PARP10: variants seen among roughly 807,000 people sequenced by gnomAD.
PARP10 encodes the protein poly(ADP-ribose) polymerase family member 10, also known as protein mono-ADP-ribosyltransferase PARP10.
A neutral mutation model predicts 82.4 loss-of-function variants in PARP10; 56 were observed. That is an observed-to-expected ratio of 0.68 (90% CI 0.55 to 0.85). The LOEUF (loss-of-function observed/expected upper bound fraction) is 0.85. Ranked by LOEUF, PARP10 falls within the 40% of genes least tolerant of loss-of-function variation. The pLI, the probability that PARP10 is intolerant of heterozygous loss-of-function variation, is 0.00. For missense variants in PARP10, 1,227 were observed against 1,379.4 expected, an observed-to-expected ratio of 0.89 and a Z score of 1.75; for synonymous variants, 576 against 601.1, an observed-to-expected ratio of 0.96 and a Z score of 0.61.
chr8:144,003,113 T>C (rs1338417234), intron 1 of PARP10, among the ~76,000 whole-genome samples: 2 of 152,126 alleles, frequency 1.3e-5, no homozygotes, highest in African/African-American at 2.4e-5. Context: ...GACACTCCAC[T>C]ACAAACAACT....
chr8:143,990,081 C>CCGCAGG (rs1318027667), upstream of PARP10: 1 of 151,480 alleles, frequency 6.6e-6, no homozygotes, highest in Non-Finnish European at 1.5e-5. The surrounding 1 kb of genome is among the most constrained non-coding windows in gnomAD (Gnocchi z 5.6). Context: ...GTCTTCCGAG[C>CCGCAGG]CGCAGGCGCA....
At chr8:143,987,618 C>T (rs1390930785), upstream of PARP10, among the ~76,000 whole-genome samples, 7 of 152,236 alleles carry the variant, frequency 4.6e-5, no homozygotes, top group Middle Eastern at 3.2e-3. Flanking sequence ...GGGGGCCGGG[C>T]GCAGTGGCTC....
At chr8:143,994,216 G>C (rs140963146), upstream of PARP10, among the ~76,000 whole-genome samples, 1 of 152,202 alleles carries the variant, frequency 6.6e-6, no homozygotes, top group Non-Finnish European at 1.5e-5. Context: ...CTCTGTGTAC[G>C]AAGCCAGCAC....
chr8:143,989,880 G>A (rs1317138271), upstream of PARP10: 1 of 152,182 alleles, frequency 6.6e-6, no homozygotes, highest in Non-Finnish European at 1.5e-5. This position sits in a 1 kb window ranked among gnomAD's most constrained non-coding sequence, Gnocchi z 4.3. Context: ...TGCCTCCAGG[G>A]GTCTTCAGCG....
In PARP10 at chr8:143,978,014, C is replaced by T. The variant is rs782686487; in HGVS notation, c.2624G>A (p.Arg875Gln). 15 of 1,587,102 alleles carry T rather than the reference C, an allele frequency of 9.5e-6. No individual in the cohort carries two copies. Among genetic ancestry groups the T allele is most frequent in the Non-Finnish European group, 1.1e-5 (13 of 1,173,074 alleles). The stretch of plus-strand genomic sequence containing the variant: ...CTGCTCCACCGGGCGCCGCTCGCAT[C>T]GCTGCAGCAGGCGCTCCCGGTACAG... ...YELYRERLLQ[R>Q]CERRPVEQVL... Residue 875 changes from arginine (R) to glutamine (Q), a missense_variant, in exon 10 of 11, where the codon CGA (arginine) becomes CAA (glutamine). Transcript: ENST00000313028.
In PARP10 at chr8:143,984,601, C is replaced by T. The variant is rs140841554; in HGVS notation, c.1401G>A (p.Ala467=). The change falls in exon 5 of 11, where the codon GCG becomes GCA. Residue 467 remains alanine (A), a synonymous_variant. Transcript: ENST00000313028. ...FLQLYHEDLL[A]GLGDVALLPL... Reference sequence around the variant, plus strand: ...GCAAGAGAGCGACGTCTCCCAGGCCCGCAAGAAGGTCCTCATGGTAGAGCT... The same window carrying T: ...GCAAGAGAGCGACGTCTCCCAGGCCTGCAAGAAGGTCCTCATGGTAGAGCT... 1.3e-4 allele frequency: 203 copies of T among 1,613,862 alleles called. 1 individual carries two copies. In the African/African-American group the frequency reaches 2.1e-3, roughly 17 times the overall value.
upstream of PARP10, chr8:143,992,166 C>CTTG (rs1834110025): frequency 1.6e-5 from 26 of 1,602,362 alleles, no homozygotes; most frequent in Non-Finnish European, 2.1e-5. Context: ...CGTGGTTCTC[C>CTTG]TTGTGCTCAT....
At chr8:143,989,126 G>A (rs1834047899), upstream of PARP10, among the ~76,000 whole-genome samples, 1 of 152,270 alleles carries the variant, frequency 6.6e-6, no homozygotes, top group African/African-American at 2.4e-5. This position sits in a 1 kb window ranked among gnomAD's most constrained non-coding sequence, Gnocchi z 4.3. Context: ...CACCATAGGT[G>A]CAGGACTCAG....
intron 5 of PARP10, 26 bp downstream of exon 5, chr8:143,984,518 G>A (rs549355183): frequency 6.9e-6 from 11 of 1,595,352 alleles, no homozygotes; most frequent in African/African-American, 1.3e-5. Context: ...GGGGCTGAAG[G>A]TGAGGAGTCC....
At chr8:143,979,679 G>A (rs1181927334) in intron 9 of PARP10, among the ~76,000 whole-genome samples, 4 of 152,198 alleles carry the variant, frequency 2.6e-5, no homozygotes, top group African/African-American at 9.7e-5. Flanking sequence ...GGGAGGCCAA[G>A]GTGGGTGGAT....
intron 9 of PARP10, among the ~76,000 whole-genome samples, chr8:143,980,337 A>AAC (rs1833821808): frequency 3.6e-5 from 5 of 140,836 alleles, no homozygotes; most frequent in Non-Finnish European, 7.5e-5. Context: ...AAAAAAAAAA[A>AAC]AAAAAAAAAA....
At chr8:143,986,030 C>G in intron 2 of PARP10, 25 bp downstream of exon 2, 1 of 1,609,992 alleles carries the variant, frequency 6.2e-7, no homozygotes, top group Non-Finnish European at 8.5e-7. Context: ...GGCACCCAGG[C>G]TGTCCCTTCA....
At chr8:143,995,761 C>A (rs544417745), upstream of PARP10, among the ~76,000 whole-genome samples, 1 of 152,110 alleles carries the variant, frequency 6.6e-6, no homozygotes, top group Non-Finnish European at 1.5e-5. Flanking sequence ...TTGCATAGAA[C>A]ATCAACATCA....
upstream of PARP10, chr8:143,993,205 C>T (rs1020202694): frequency 1.6e-4 from 43 of 277,146 alleles, no homozygotes; most frequent in African/African-American, 8.7e-4. Context: ...GCACGTCTTC[C>T]CTCCTGTCCC....
At chr8:143,978,201 C>T (rs1476793507) in intron 9 of PARP10, 120 bp from the exon 10 acceptor site, 26 of 1,110,968 alleles carry the variant, frequency 2.3e-5, no homozygotes, top group South Asian at 3.3e-5. Flanking sequence ...TTTGAGGGAG[C>T]CCTTGCAGCC....
intron 9 of PARP10, among the ~76,000 whole-genome samples, chr8:143,982,016 GTGA>G (rs1399205560): frequency 5.5e-5 from 1 of 18,066 alleles, no homozygotes; most frequent in Admixed American, 4.7e-4. Context: ...GATGATGGTG[GTGA>G]TGATGGTGGT....
In PARP10 at chr8:143,984,070, C is replaced by T. The variant is rs1554748509; in HGVS notation, c.1715G>A (p.Gly572Asp). Residue 572 changes from glycine (G) to aspartate (D), a missense_variant, in exon 7 of 11, where the codon GGC becomes GAC. Transcript: ENST00000313028. ...DPTEALPVLP[G>D]NAHTLWTPDS... The stretch of plus-strand genomic sequence containing the variant: ...TGGGGTCCACAGGGTGTGGGCGTTG[C>T]CAGGGAGCACTGGGAGGGCCTCGGT... 6.5e-6 allele frequency: 10 copies of T among 1,549,036 alleles called. No individual in the cohort carries two copies. The Admixed American group carries it at 1.8e-4, about 27-fold the overall frequency.
chr8:143,977,977 G>A lies in PARP10; in HGVS notation c.2661C>T (p.His887=). The change falls in exon 10 of 11, where the codon CAC becomes CAT. Residue 887 remains histidine, a synonymous_variant. Coordinates refer to ENST00000313028, the MANE Select transcript of PARP10 (RefSeq NM_032789.5). The part of the protein sequence containing the change: ...ERRPVEQVLY[H]GTTAPAVPDI... ...CAGGCACTGCCGGTGCCGTCGTGCC[G>A]TGGTACAGCACCTGCTCCACCGGGC... 3 of 1,598,670 alleles carry A rather than the reference G, an allele frequency of 1.9e-6. No homozygotes were observed. The highest frequency in any genetic ancestry group is 2.5e-6 in the Non-Finnish European group (3 of 1,178,922).
chr8:143,992,674 C>G (rs1554750769), upstream of PARP10: 1 of 1,613,812 alleles, frequency 6.2e-7, no homozygotes, highest in East Asian at 2.2e-5. Flanking sequence ...CTCAACACCA[C>G]TGTGCTGTCA....
Sources: gnomAD v4.1 joint callset for allele counts (sites outside exome capture counted in the v4.1 genomes callset) on GRCh38, gnomAD v4.1.1 for gene constraint, Gnocchi (gnomAD v3.1) non-coding constraint, MANE v1.5 for transcripts, NCBI Gene and HGNC (gene_info 2026-07-23, HGNC 2026-07-21) for gene names.